The following BRWD1 variants were observed in gnomAD, a reference collection of about 807,000 sequenced individuals.
The protein encoded by BRWD1 is bromodomain and WD repeat domain containing 1.
In BRWD1, 82 loss-of-function variants were observed where a neutral mutation model predicts 251.2. The observed-to-expected ratio is 0.33, with a 90% confidence interval of 0.27 to 0.39. The LOEUF is 0.39. Among genes scored for constraint, BRWD1 ranks in the 10% least tolerant of loss-of-function variants. The pLI is 1.00. For synonymous variants in BRWD1, 918 were observed against 902.8 expected, an observed-to-expected ratio of 1.02 and a Z score of -0.30; for missense variants, 2,233 against 2,711.6, an observed-to-expected ratio of 0.82 and a Z score of 3.92.
At chr21:39,278,416 A>G (rs946604939) in intron 10 of BRWD1, 3 of 252,030 alleles carry the variant, frequency 1.2e-5, no homozygotes, top group Non-Finnish European at 2.2e-5. Flanking sequence ...ACTATCAAAC[A>G]TACACAGTTT....
In BRWD1 at chr21:39,188,172, G is replaced by C; in HGVS notation, c.*8087C>G. ...AACAAGTCTAATTAGTACTCTTCTA[G>C]AACAGAAGTGATATTCCTTTTACGT... On this transcript the variant is annotated 3_prime_UTR_variant, in exon 41 of 41. Coordinates refer to ENST00000342449, the MANE Select transcript of BRWD1 (RefSeq NM_033656.4). 1 of 985,352 alleles carries C rather than the reference G, an allele frequency of 1.0e-6. No homozygotes were observed. The highest frequency in any genetic ancestry group is 1.2e-6 in the Non-Finnish European group (1 of 829,904). 61.0% of individuals were successfully genotyped at this position (985,352 alleles called of 1,614,324 possible). A position where few individuals can be genotyped will look rare whatever the true frequency, so the allele number is the denominator to read the frequency against.
chr21:39,275,579 C>A (rs1001360850), intron 12 of BRWD1, among the ~76,000 whole-genome samples: 5 of 152,046 alleles, frequency 3.3e-5, no homozygotes, highest in African/African-American at 9.7e-5. Flanking sequence ...TTCAAAATTT[C>A]TGAGTAGATT....
At position 39,247,755 on chromosome 21, in the gene BRWD1, A is replaced by G; in HGVS notation, c.2427T>C (p.Asn809=). The G allele has an allele frequency of 1.2e-6, 2 of 1,613,648 alleles. No homozygotes were observed. Among genetic ancestry groups the G allele is most frequent in the Non-Finnish European group, 1.7e-6 (2 of 1,179,830 alleles). Residue 809 remains asparagine, a synonymous_variant, in exon 21 of 41, where the codon AAT becomes AAC. Coordinates refer to ENST00000342449, the MANE Select transcript of BRWD1 (RefSeq NM_033656.4). ...RRKYPNYGRR[N]RSWRELSSGN... is the part of the protein sequence containing the mutation. ...CAGAAGATAACTCACGCCAGCTACGATTTCTTCTACCATAATTTGGATATT... is the reference window on the plus strand; with the variant it reads ...CAGAAGATAACTCACGCCAGCTACGGTTTCTTCTACCATAATTTGGATATT...
At position 39,192,193 on chromosome 21, in the gene BRWD1, T is replaced by TG. The variant is rs1436136852; in HGVS notation, c.*4065_*4066insC. On this transcript the variant is annotated 3_prime_UTR_variant, in exon 41 of 41. Coordinates refer to ENST00000342449, the MANE Select transcript of BRWD1 (RefSeq NM_033656.4). ...CATGTATCCTTGGGCAACATCTCTGTAATTTAACAGCCTTTAAAACTTAAA... is the reference window on the plus strand; with the variant it reads ...CATGTATCCTTGGGCAACATCTCTGTGAATTTAACAGCCTTTAAAACTTAAA... 2 of 985,228 alleles carry TG rather than the reference T, an allele frequency of 2.0e-6. No homozygotes were observed. Among genetic ancestry groups the TG allele is most frequent in the Admixed American group, 6.2e-5 (1 of 16,244 alleles). 61.0% of individuals were successfully genotyped at this position (985,228 alleles called of 1,614,324 possible).
intron 36 of BRWD1, among the ~76,000 whole-genome samples, chr21:39,208,301 G>GT (rs1218437979): frequency 3.9e-5 from 6 of 152,116 alleles, no homozygotes; most frequent in African/African-American, 1.2e-4. Context: ...CTTACAAATG[G>GT]TGACTTTGAC....
chr21:39,265,992 T>C (rs965579736), intron 15 of BRWD1, among the ~76,000 whole-genome samples: 2 of 152,230 alleles, frequency 1.3e-5, no homozygotes, highest in Admixed American at 1.3e-4. Flanking sequence ...AAGTTAGTTA[T>C]TTGGTTAACT....
At chr21:39,247,968 T>A in intron 20 of BRWD1, 136 bp from the exon 21 acceptor site, 1 of 1,055,878 alleles carries the variant, frequency 9.5e-7, no homozygotes, top group Non-Finnish European at 1.3e-6. Context: ...GTAGCATTTT[T>A]GCCATACAGT....
At chr21:39,222,999 G>C (rs1359098122) in intron 29 of BRWD1, among the ~76,000 whole-genome samples, 7 of 151,942 alleles carry the variant, frequency 4.6e-5, no homozygotes, top group Non-Finnish European at 1.0e-4. Context: ...CAAACTAATG[G>C]AAATTCTATA....
chr21:39,190,613 A>C lies in BRWD1; in HGVS notation c.*5646T>G, dbSNP rs2031501795. 1.0e-6 allele frequency: 1 copy of C among 985,286 alleles called. No homozygotes were observed. The highest frequency in any genetic ancestry group is 1.7e-5 in the African/African-American group (1 of 57,236). The allele number at this position is 985,286 out of a possible 1,614,324, so 61.0% of individuals were successfully genotyped here. A position where few individuals can be genotyped will look rare whatever the true frequency, so the allele number is the denominator to read the frequency against. On this transcript the variant is annotated 3_prime_UTR_variant, in exon 41 of 41. Transcript: ENST00000342449. ...GTCTGCCCTTCATTGATAAGCAATG[A>C]AATGACCCCAAAACTCAGAAAGCAA...
chr21:39,199,784 CTT>C, intron 39 of BRWD1, 122 bp from the exon 40 acceptor site: 4 of 1,035,758 alleles, frequency 3.9e-6, no homozygotes, highest in African/African-American at 1.6e-5. Flanking sequence ...GAGTTTCGCT[CTT>C]GTTGCCCAGG....
At chr21:39,262,914 C>G (rs1476574018) in intron 17 of BRWD1, among the ~76,000 whole-genome samples, 1 of 151,776 alleles carries the variant, frequency 6.6e-6, no homozygotes, top group Non-Finnish European at 1.5e-5. Context: ...TCAAAACATA[C>G]TTGACAGCCT....
chr21:39,258,095 AACTC>A (rs1568923541), intron 18 of BRWD1, among the ~76,000 whole-genome samples: 1 of 152,186 alleles, frequency 6.6e-6, no homozygotes. Context: ...CAACACTGAA[AACTC>A]ACTAAGTTTT....
At position 39,225,273 on chromosome 21, in the gene BRWD1, A is replaced by AGATG. The variant is rs1234507121; in HGVS notation, c.3209-77_3209-76insCATC. ...ACATTTTTTTAATCTACAAAATACC[A>AGATG]TATGATACAGATAAAAAAGCCAAAA... On this transcript the variant is annotated intron_variant, in intron 27 of 40. Coordinates refer to ENST00000342449, the MANE Select transcript of BRWD1 (RefSeq NM_033656.4). The AGATG allele has an allele frequency of 3.3e-5, 33 of 999,222 alleles. No individual in the cohort carries two copies. The Admixed American group carries it at 7.6e-4, about 23-fold the overall frequency. 61.9% of individuals were successfully genotyped at this position (999,222 alleles called of 1,614,324 possible).
At chr21:39,307,877 C>A (rs6517540) in intron 4 of BRWD1, among the ~76,000 whole-genome samples, 140,484 of 152,238 alleles carry the variant, frequency 0.92, 65,198 homozygotes, top group African/African-American at 0.96. Context: ...CTGTATTGTC[C>A]TTGACTATAG....
rs778432723 is a variant in BRWD1 at position 39,199,207 on chromosome 21, C to T, written c.5209G>A (p.Gly1737Ser). The change falls in exon 40 of 41, where the codon GGT (glycine) becomes AGT (serine). Residue 1737 changes from glycine (G) to serine (S), a missense_variant. This residue lies in a region of BRWD1 where 928 missense variants were observed against 970.0 expected (regional missense o/e 0.96). Coordinates refer to ENST00000342449, the MANE Select transcript of BRWD1 (RefSeq NM_033656.4). ...RVARKNWHAN[G>S]YKSHTPAPSK... ...GGTGCTGGAGTATGGGACTTGTAAC[C>T]ATTAGCATGCCAATTTTTCCGGGCT... The T allele has an allele frequency of 5.6e-6, 9 of 1,614,130 alleles. No individual in the cohort carries two copies. Among genetic ancestry groups the T allele is most frequent in the Non-Finnish European group, 7.6e-6 (9 of 1,180,014 alleles).
rs1011609612 is a variant in BRWD1, at chr21:39,185,979, A to C, written c.*10280T>G. On this transcript the variant is annotated 3_prime_UTR_variant, in exon 41 of 41. Transcript: ENST00000342449. ...TGTAAATACACTTCTTTGTTATACC[A>C]CGACCAAATTTTCTAATCCTAGTAC... is the stretch of plus-strand genomic sequence containing the variant. The C allele has an allele frequency of 2.6e-5, 4 of 152,224 alleles. No individual in the cohort carries two copies. The highest frequency in any genetic ancestry group is 9.6e-5 in the African/African-American group (4 of 41,464). The allele number at this position is 152,224 out of a possible 1,614,324, so 9.4% of individuals were successfully genotyped here.
intron 4 of BRWD1, among the ~76,000 whole-genome samples, chr21:39,304,084 T>TGAGCC (rs1436014972): frequency 4.2e-5 from 6 of 141,200 alleles, no homozygotes; most frequent in African/African-American, 1.6e-4. Flanking sequence ...GAGGTTGCAG[T>TGAGCC]GAGCCGAGAT....
chr21:39,298,608 C>A (rs1166496580), intron 4 of BRWD1, 26 bp from the exon 5 acceptor site: 2 of 1,548,854 alleles, frequency 1.3e-6, no homozygotes, highest in Non-Finnish European at 1.7e-6. Flanking sequence ...GTTTTAATGA[C>A]AACAGCTTAA....
At chr21:39,314,133 A>T (rs2036635743), upstream of BRWD1, 2 of 455,618 alleles carry the variant, frequency 4.4e-6, no homozygotes, top group Non-Finnish European at 8.8e-6. Flanking sequence ...CGCACGGAAG[A>T]CCCCTCGCTT....
Sources: gnomAD v4.1 joint callset for allele counts (sites outside exome capture counted in the v4.1 genomes callset) on GRCh38, gnomAD v4.1.1 for gene constraint, gnomAD v4.1.1 regional missense constraint, MANE v1.5 for transcripts, NCBI Gene and HGNC (gene_info 2026-07-23, HGNC 2026-07-21) for gene names.